The following SPOCK1 variants were observed in gnomAD, a reference collection of about 807,000 sequenced individuals.
The protein encoded by SPOCK1 is SPARC (osteonectin), cwcv and kazal like domains proteoglycan 1.
SPOCK1 carries 23 observed loss-of-function variants against 55.3 expected under a neutral mutation model. The observed-to-expected ratio is 0.42, with a 90% CI of 0.30 to 0.59. The LOEUF is 0.59. SPOCK1 is among the 20% of genes least tolerant of loss of function. The pLI, the probability that SPOCK1 is intolerant of heterozygous loss-of-function variation, is 0.22. For missense variants in SPOCK1, 499 were observed against 552.5 expected (o/e 0.90, Z 0.97); for synonymous variants, 226 against 221.0 (o/e 1.02, Z -0.20).
intron 6 of SPOCK1, among the ~76,000 whole-genome samples, chr5:137,040,500 T>G (rs1020625160): frequency 6.6e-6 from 1 of 152,112 alleles, no homozygotes; most frequent in African/African-American, 2.4e-5. Flanking sequence ...ACAAAATACA[T>G]AAGGGACAAA....
intron 2 of SPOCK1, among the ~76,000 whole-genome samples, chr5:137,328,841 TG>T (rs1324779935): frequency 2.0e-5 from 3 of 152,160 alleles, no homozygotes; most frequent in Admixed American, 2.0e-4. Context: ...CTGTATACCA[TG>T]GGATCTTTTA....
chr5:137,440,522 C>T (rs745662033), intron 2 of SPOCK1, among the ~76,000 whole-genome samples: 1 of 152,196 alleles, frequency 6.6e-6, no homozygotes, highest in Non-Finnish European at 1.5e-5. Context: ...TTAACCCCTG[C>T]CACTTGCTGT....
At chr5:137,461,023 G>A (rs1753479086) in intron 2 of SPOCK1, among the ~76,000 whole-genome samples, 1 of 152,124 alleles carries the variant, frequency 6.6e-6, no homozygotes, top group Non-Finnish European at 1.5e-5. Flanking sequence ...CTCTCTGGAC[G>A]TAGCTCTATC....
intron 4 of SPOCK1, among the ~76,000 whole-genome samples, chr5:137,117,915 T>C (rs1753619146): frequency 1.3e-5 from 2 of 152,216 alleles, no homozygotes; most frequent in African/African-American, 4.8e-5. Flanking sequence ...GATTCAGGAA[T>C]GATAAATCAG....
chr5:137,262,125 T>C (rs1326383576), intron 3 of SPOCK1, among the ~76,000 whole-genome samples: 1 of 152,216 alleles, frequency 6.6e-6, no homozygotes, highest in Non-Finnish European at 1.5e-5. Context: ...CACTTTGCTG[T>C]ATATTCATCC....
At chr5:137,338,887 T>G (rs982177127) in intron 2 of SPOCK1, among the ~76,000 whole-genome samples, 1 of 152,216 alleles carries the variant, frequency 6.6e-6, no homozygotes, top group Non-Finnish European at 1.5e-5. Context: ...TCTAATGAAC[T>G]GTACTGTTAT....
intron 5 of SPOCK1, among the ~76,000 whole-genome samples, chr5:137,100,031 G>C (rs1451995444): frequency 1.3e-5 from 2 of 152,058 alleles, no homozygotes; most frequent in Admixed American, 1.3e-4. Flanking sequence ...CTAGGAGTTC[G>C]GTATCAGAGA....
At chr5:137,194,819 A>G (rs1031111955) in intron 3 of SPOCK1, among the ~76,000 whole-genome samples, 4 of 152,162 alleles carry the variant, frequency 2.6e-5, no homozygotes, top group African/African-American at 9.7e-5. Context: ...TGAGCCTCCC[A>G]TAAGCACCAG....
At chr5:137,041,854 G>A (rs576661903) in intron 6 of SPOCK1, among the ~76,000 whole-genome samples, 1 of 152,226 alleles carries the variant, frequency 6.6e-6, no homozygotes, top group East Asian at 1.9e-4. Flanking sequence ...TATTGCTGCT[G>A]GAAATGCAAA....
chr5:137,159,970 CT>C (rs906651170), intron 3 of SPOCK1, among the ~76,000 whole-genome samples: 8 of 151,994 alleles, frequency 5.3e-5, no homozygotes, highest in African/African-American at 1.9e-4. Context: ...GCAAATAAGT[CT>C]TTTTTTCCAT....
chr5:137,490,329 C>A (rs1363623952), intron 2 of SPOCK1, among the ~76,000 whole-genome samples: 1 of 152,156 alleles, frequency 6.6e-6, no homozygotes, highest in Non-Finnish European at 1.5e-5. Context: ...GGTTCTAAAG[C>A]CAAATCTGGA....
chr5:137,108,795 A>G (rs1172789246), intron 5 of SPOCK1, among the ~76,000 whole-genome samples: 1 of 152,170 alleles, frequency 6.6e-6, no homozygotes, highest in East Asian at 1.9e-4. Context: ...CAGTATGTAT[A>G]TGCCACTCCT....
rs12651774 is a variant in SPOCK1 at position 137,443,391 on chromosome 5, T to C, written c.186+54982A>G. Among the ~76,000 whole-genome samples, 6 of 152,174 alleles carry C rather than the reference T, an allele frequency of 3.9e-5. No individual in the cohort carries two copies. The South Asian group carries it at 8.3e-4, about 21-fold the overall frequency. On this transcript the variant is annotated intron_variant, in intron 2 of 10. Coordinates refer to ENST00000394945, the MANE Select transcript of SPOCK1 (RefSeq NM_004598.4). Reference sequence around the variant, plus strand: ...TTCTCCTTGCCTTTTCCTTAAACACTTGTATCCCTAAACAAAGGCTTAGTC... The same window carrying C: ...TTCTCCTTGCCTTTTCCTTAAACACCTGTATCCCTAAACAAAGGCTTAGTC...
At chr5:137,263,517 G>T (rs925735509) in intron 3 of SPOCK1, among the ~76,000 whole-genome samples, 1 of 152,162 alleles carries the variant, frequency 6.6e-6, no homozygotes, top group African/African-American at 2.4e-5. Context: ...AGGTCCATCC[G>T]GGGGCCTTCA....
intron 2 of SPOCK1, among the ~76,000 whole-genome samples, chr5:137,302,673 C>T (rs915036378): frequency 1.6e-4 from 25 of 151,968 alleles, no homozygotes; most frequent in African/African-American, 5.8e-4. Flanking sequence ...TATTTCTTCT[C>T]CCATGGAAAT....
chr5:136,988,196 G>A (rs1750879636), intron 8 of SPOCK1, among the ~76,000 whole-genome samples: 1 of 152,212 alleles, frequency 6.6e-6, no homozygotes, highest in African/African-American at 2.4e-5. Flanking sequence ...GGGAGGAACA[G>A]ACAGAAGTAA....
rs1561483022 is a variant in SPOCK1, at chr5:137,245,781, A to AAAAC, written c.232+21228_232+21229insGTTT. 1.3e-3 allele frequency among the ~76,000 whole-genome samples: 170 copies of AAAAC among 131,460 alleles called. 3 individuals carry two copies. The Middle Eastern group carries it at 0.016, about 12-fold the overall frequency. 86.2% of individuals were successfully genotyped at this position (131,460 alleles called of 152,430 possible). A position where few individuals can be genotyped will look rare whatever the true frequency, so the allele number is the denominator to read the frequency against. On this transcript the variant is annotated intron_variant, in intron 3 of 10. Transcript: ENST00000394945. ...AAAAACAAAACAAAACAAAACAAAA[A>AAAAC]AAAAACAAAAAAAAAAACTGTCTTG...
chr5:137,133,598 A>G (rs1213028099), intron 4 of SPOCK1, among the ~76,000 whole-genome samples: 6 of 152,170 alleles, frequency 3.9e-5, no homozygotes. Flanking sequence ...GGAACAGAGG[A>G]GTTAAGTGGC....
At chr5:137,158,514 C>T (rs1754465351) in intron 3 of SPOCK1, among the ~76,000 whole-genome samples, 1 of 152,136 alleles carries the variant, frequency 6.6e-6, no homozygotes, top group Non-Finnish European at 1.5e-5. Context: ...GAAATGCAGC[C>T]AACACCTGGG....
Sources: allele counts gnomAD v4.1 joint callset (sites outside exome capture counted in the v4.1 genomes callset), GRCh38; gene constraint gnomAD v4.1.1; transcripts MANE v1.5; gene names NCBI Gene and HGNC (gene_info 2026-07-23, HGNC 2026-07-21).